The following FAU variants were observed in gnomAD, a reference collection of about 807,000 sequenced individuals.
FAU encodes the protein ubiquitin-like FUBI-ribosomal protein eS30 fusion protein.
For missense variants in FAU, 125 were observed against 173.9 expected (o/e 0.72, Z 1.58); for synonymous variants, 70 against 69.9 (o/e 1.00, Z -0.01).
rs3200100 is a variant in FAU at position 65,121,613 on chromosome 11, G to C, written c.107C>G (p.Pro36Arg). The change falls in exon 3 of 5, where the codon CCG becomes CGG. Residue 36 changes from proline to arginine, a missense_variant. By Grantham distance (103) the Pro-to-Arg change is moderately radical (BLOSUM62 -2). Coordinates refer to ENST00000529639, the MANE Select transcript of FAU (RefSeq NM_001997.5). Reference sequence around the variant, plus strand: ...TGCCAGGAGCACGACTTGATCTTCCGGGGCAATGCCCTCCAGTGAGGCTAC... The same window carrying C: ...TGCCAGGAGCACGACTTGATCTTCCCGGGCAATGCCCTCCAGTGAGGCTAC... ...AHVASLEGIA[P>R]EDQVVLLAGA... is the part of the protein sequence containing the mutation. 6.2e-7 allele frequency: 1 copy of C among 1,613,998 alleles called. No homozygotes were observed. The highest frequency in any genetic ancestry group is 8.5e-7 in the Non-Finnish European group (1 of 1,180,034).
chr11:65,121,468 G>T (rs750640801), intron 3 of FAU, 32 bp downstream of exon 3: 2 of 1,605,180 alleles, frequency 1.2e-6, no homozygotes, highest in African/African-American at 2.7e-5. Context: ...GACGCTTACC[G>T]GTACTTCAAA....
At position 65,120,997 on chromosome 11, in the gene FAU, C is replaced by T; in HGVS notation, c.260G>A (p.Arg87Lys). ...HGSLARAGKVRGQTPKVAKQE... is the reference protein window; with the variant it reads ...HGSLARAGKVKGQTPKVAKQE... ...CTCACTCACCTTAGGAGTCTGACCT[C>T]TCACTTTTCCAGCACGGGCCAGGGA... is the stretch of plus-strand genomic sequence containing the variant. The change falls in exon 4 of 5, where the codon AGA becomes AAA. Residue 87 changes from arginine (R) to lysine (K), a missense_variant. Physicochemically the swap from Arg to Lys is conservative, Grantham distance 26. Transcript: ENST00000529639. 2 of 1,614,166 alleles carry T rather than the reference C, an allele frequency of 1.2e-6. No homozygotes were observed. Among genetic ancestry groups the T allele is most frequent in the Non-Finnish European group, 1.7e-6 (2 of 1,180,032 alleles).
chr11:65,121,069 G>A, intron 3 of FAU, 33 bp from the exon 4 acceptor site: 1 of 1,611,802 alleles, frequency 6.2e-7, no homozygotes, highest in Non-Finnish European at 8.5e-7. Flanking sequence ...CAGCAGGTAA[G>A]AGCAAGAAGG....
rs1948039527 is a variant in FAU at position 65,120,780 on chromosome 11, C to T, written c.303G>A (p.Lys101=). The T allele has an allele frequency of 6.2e-7, 1 of 1,614,100 alleles. No homozygotes were observed. The highest frequency in any genetic ancestry group is 8.5e-7 in the Non-Finnish European group (1 of 1,180,000). Residue 101 remains lysine (K), a synonymous_variant, in exon 5 of 5, where the codon AAG becomes AAA. Coordinates refer to ENST00000529639, the MANE Select transcript of FAU (RefSeq NM_001997.5). ...PKVAKQEKKK[K]KTGRAKRRMQ... is the part of the protein sequence containing the mutation. ...TCCGCCGCTTAGCCCGACCTGTCTT[C>T]TTCTTCTTCTTCTCCTGTTTGGCCA...
chr11:65,121,310 A>T, intron 3 of FAU, 190 bp downstream of exon 3: 1 of 808,044 alleles, frequency 1.2e-6, no homozygotes, highest in Non-Finnish European at 1.9e-6. Context: ...AAATACAACT[A>T]CACTCTGGCT....
At chr11:65,120,841 T>C in intron 4 of FAU, 35 bp from the exon 5 acceptor site, 3 of 1,613,086 alleles carry the variant, frequency 1.9e-6, no homozygotes, top group Non-Finnish European at 2.5e-6. Context: ...CCCTGGTTCC[T>C]GTCTTCCACA....
intron 3 of FAU, 169 bp downstream of exon 3, chr11:65,121,331 T>C (rs1463803929): frequency 7.6e-6 from 7 of 918,976 alleles, no homozygotes; most frequent in Non-Finnish European, 1.1e-5. Context: ...CAGTCTCCCA[T>C]GGACGTCTGT....
At chr11:65,121,869 G>A (rs1948052459) in intron 1 of FAU, 48 bp from the exon 2 acceptor site, 5 of 1,586,018 alleles carry the variant, frequency 3.2e-6, no homozygotes, top group Non-Finnish European at 3.5e-6. Flanking sequence ...AAATGCTCTG[G>A]GATAAAGGAG....
intron 1 of FAU, 84 bp downstream of exon 1, chr11:65,122,006 C>T: frequency 1.6e-6 from 1 of 636,694 alleles, no homozygotes; most frequent in South Asian, 1.9e-5. Flanking sequence ...GAGCAGGCCC[C>T]GTTCTTCGGT....
rs373537313 is a variant in FAU at position 65,120,938 on chromosome 11, G to A, written c.276+43C>T. The A allele has an allele frequency of 4.7e-5, 75 of 1,610,456 alleles. 1 individual carries two copies. The African/African-American group carries it at 8.6e-4, about 18-fold the overall frequency. ...CAGGGACTTGGTTTAGCTGTGAAAGGAAAAAAAGTCCTAACACCATGACCA... is the reference window on the plus strand; with the variant it reads ...CAGGGACTTGGTTTAGCTGTGAAAGAAAAAAAAGTCCTAACACCATGACCA... On this transcript the variant is annotated intron_variant, in intron 4 of 4. Coordinates refer to ENST00000529639, the MANE Select transcript of FAU (RefSeq NM_001997.5).
intron 3 of FAU, 45 bp from the exon 4 acceptor site, chr11:65,121,081 G>A (rs369839794): frequency 1.3e-6 from 2 of 1,599,612 alleles, no homozygotes; most frequent in Non-Finnish European, 8.6e-7. Context: ...GCAAGAAGGT[G>A]CCACCCAGCA....
Position 65,120,766 on chromosome 11 carries a change from G to A in FAU, c.317C>T (p.Ala106Val). 1.2e-6 allele frequency: 2 copies of A among 1,614,176 alleles called. No individual in the cohort carries two copies. The highest frequency in any genetic ancestry group is 1.7e-6 in the Non-Finnish European group (2 of 1,180,028). The change falls in exon 5 of 5, where the codon GCT becomes GTT. Residue 106 changes from alanine to valine, a missense_variant. By Grantham distance (64) the Ala-to-Val change is moderately conservative. Coordinates refer to ENST00000529639, the MANE Select transcript of FAU (RefSeq NM_001997.5). ...CCGGTTGTACTGCATCCGCCGCTTA[G>A]CCCGACCTGTCTTCTTCTTCTTCTT... Reference protein sequence around the residue: ...QEKKKKKTGRAKRRMQYNRRF... With the variant: ...QEKKKKKTGRVKRRMQYNRRF...
chr11:65,121,977 G>C, intron 1 of FAU, 113 bp downstream of exon 1: 2 of 728,534 alleles, frequency 2.7e-6, no homozygotes, highest in Non-Finnish European at 4.5e-6. Context: ...GTTCGGATAG[G>C]GACTGGAGCA....
rs747500906 is a variant in FAU at position 65,121,802 on chromosome 11, A to C, written c.12T>G (p.Phe4Leu). 6.2e-7 allele frequency: 1 copy of C among 1,614,096 alleles called. No homozygotes were observed. Among genetic ancestry groups the C allele is most frequent in the East Asian group, 2.2e-5 (1 of 44,882 alleles). The stretch of plus-strand genomic sequence containing the variant: ...AGGTGTGTAGCTCCTGGGCGCGGAC[A>C]AAGAGCTGCATATTGGCGACTGAGT... Reference protein sequence around the residue: MQLFVRAQELHTFE... With the variant: MQLLVRAQELHTFE... The change falls in exon 2 of 5, where the codon TTT becomes TTG. Residue 4 changes from phenylalanine (F) to leucine (L), a missense_variant. Coordinates refer to ENST00000529639, the MANE Select transcript of FAU (RefSeq NM_001997.5).
intron 3 of FAU, 31 bp from the exon 4 acceptor site, chr11:65,121,067 A>G: frequency 6.2e-7 from 1 of 1,612,740 alleles, no homozygotes; most frequent in Non-Finnish European, 8.5e-7. Context: ...ACCAGCAGGT[A>G]AGAGCAAGAA....
chr11:65,121,850 G>C (rs575254200), intron 1 of FAU, 29 bp from the exon 2 acceptor site: 15 of 1,605,506 alleles, frequency 9.3e-6, no homozygotes, highest in Middle Eastern at 1.6e-4. Flanking sequence ...GCTTGTAAGA[G>C]AAGCCAAGAA....
In FAU at chr11:65,121,483, A is replaced by G. The variant is rs769442; in HGVS notation, c.220+17T>C. ...GACGCTTACCGGTACTTCAAAGAACATTCCTCTCTCACTCACCTCCAAGCA... is the reference window on the plus strand; with the variant it reads ...GACGCTTACCGGTACTTCAAAGAACGTTCCTCTCTCACTCACCTCCAAGCA... On this transcript the variant is annotated intron_variant, in intron 3 of 4. Transcript: ENST00000529639. 0.024 allele frequency: 38,185 copies of G among 1,610,272 alleles called. 589 individuals carry two copies. The highest frequency in any genetic ancestry group is 0.071 in the African/African-American group (5,348 of 74,890).
Position 65,121,548 on chromosome 11 carries a change from C to A in FAU, c.172G>T (p.Gly58Trp), listed in dbSNP as rs1948047688. ...LEDEATLGQCGVEALTTLEVA... is the reference protein window; with the variant it reads ...LEDEATLGQCWVEALTTLEVA... Reference sequence around the variant, plus strand: ...TCCAGGGTAGTCAGGGCCTCCACCCCGCACTGGCCCAGAGTGGCCTCATCC... The same window carrying A: ...TCCAGGGTAGTCAGGGCCTCCACCCAGCACTGGCCCAGAGTGGCCTCATCC... Residue 58 changes from glycine (G) to tryptophan (W), a missense_variant, in exon 3 of 5, where the codon GGG becomes TGG. By Grantham distance (184) the Gly-to-Trp change is radical. Transcript: ENST00000529639. 1 of 1,614,020 alleles carries A rather than the reference C, an allele frequency of 6.2e-7. No homozygotes were observed. Among genetic ancestry groups the A allele is most frequent in the Non-Finnish European group, 8.5e-7 (1 of 1,180,032 alleles).
chr11:65,120,986 G>A lies in FAU; in HGVS notation c.271C>T (p.Pro91Ser). Residue 91 changes from proline (P) to serine (S), a missense_variant, in exon 4 of 5, where the codon CCT becomes TCT. Coordinates refer to ENST00000529639, the MANE Select transcript of FAU (RefSeq NM_001997.5). Reference sequence around the variant, plus strand: ...CCACTAATACTCTCACTCACCTTAGGAGTCTGACCTCTCACTTTTCCAGCA... The same window carrying A: ...CCACTAATACTCTCACTCACCTTAGAAGTCTGACCTCTCACTTTTCCAGCA... Reference protein sequence around the residue: ...ARAGKVRGQTPKVAKQEKKKK... With the variant: ...ARAGKVRGQTSKVAKQEKKKK... 3 of 1,614,112 alleles carry A rather than the reference G, an allele frequency of 1.9e-6. No individual in the cohort carries two copies. The highest frequency in any genetic ancestry group is 2.5e-6 in the Non-Finnish European group (3 of 1,180,016).
Sources: gnomAD v4.1 joint callset for allele counts on GRCh38, gnomAD v4.1.1 for gene constraint, MANE v1.5 for transcripts, NCBI Gene and HGNC (gene_info 2026-07-23, HGNC 2026-07-21) for gene names.